Variants in EEFSEC observed in about 807,000 individuals in gnomAD.
EEFSEC encodes the protein selenocysteine-specific elongation factor.
A neutral mutation model predicts 42.1 loss-of-function variants in EEFSEC; 43 were observed. That is an observed-to-expected ratio of 1.02 (90% confidence interval 0.80 to 1.32). EEFSEC has a LOEUF of 1.32. Among genes scored for constraint, EEFSEC ranks in the 40% most tolerant of loss-of-function variants. The pLI is 0.00. For synonymous variants in EEFSEC, 354 were observed against 339.1 expected (o/e 1.04, Z -0.48); for missense variants, 745 against 803.6 (o/e 0.93, Z 0.88).
intron 2 of EEFSEC, among the ~76,000 whole-genome samples, chr3:128,251,466 A>G (rs1317124562): frequency 6.6e-6 from 1 of 152,230 alleles, no homozygotes; most frequent in Non-Finnish European, 1.5e-5. Context: ...ATAATTTTAA[A>G]CTATACTTGA....
At chr3:128,365,276 A>G (rs2067576912) in intron 6 of EEFSEC, among the ~76,000 whole-genome samples, 1 of 152,020 alleles carries the variant, frequency 6.6e-6, no homozygotes, top group East Asian at 1.9e-4. Flanking sequence ...CAGTGGGACA[A>G]CTCCTCTGTG....
In EEFSEC at chr3:128,341,861, T is replaced by C; in HGVS notation, c.1415T>C (p.Leu472Pro). ...CTGCCCAGGCTGAAGGTGTACAAGC[T>C]GAAGCACAAGCATGGCCTTGTGGAG... ...SFLPRLKVYK[L>P]KHKHGLVERA... The change falls in exon 5 of 7, where the codon CTG (leucine) becomes CCG (proline). Residue 472 changes from leucine to proline, a missense_variant. By Grantham distance (98) the Leu-to-Pro change is moderately conservative (BLOSUM62 -3). Transcript: ENST00000254730. 6.2e-7 allele frequency: 1 copy of C among 1,613,724 alleles called. No homozygotes were observed. Among genetic ancestry groups the C allele is most frequent in the Non-Finnish European group, 8.5e-7 (1 of 1,180,002 alleles).
chr3:128,164,553 CAG>C lies in EEFSEC; in HGVS notation c.316+10731_316+10732del, dbSNP rs538433034. On this transcript the variant is annotated intron_variant, in intron 1 of 6. Transcript: ENST00000254730. ...GGTCAGGGTGGCTGGCACTTGCACA[CAG>C]GGGGGTGTGAAAGGAGGTGCGGCCA... 2.4e-4 allele frequency among the ~76,000 whole-genome samples: 36 copies of C among 152,254 alleles called. 1 individual carries two copies. In the South Asian group the frequency reaches 6.6e-3, roughly 28 times the overall value.
chr3:128,282,764 G>T (rs2066541381), intron 4 of EEFSEC, among the ~76,000 whole-genome samples: 1 of 152,184 alleles, frequency 6.6e-6, no homozygotes, highest in African/African-American at 2.4e-5. Context: ...TGGTGAGTCT[G>T]AGTACCTTGG....
chr3:128,191,086 A>G (rs990873347), intron 1 of EEFSEC, among the ~76,000 whole-genome samples: 90 of 152,236 alleles, frequency 5.9e-4, no homozygotes, highest in Middle Eastern at 3.2e-3. Flanking sequence ...GTTTGCACAA[A>G]GATGAAATTG....
chr3:128,386,902 T>C (rs1299115539), intron 6 of EEFSEC, among the ~76,000 whole-genome samples: 1 of 152,180 alleles, frequency 6.6e-6, no homozygotes, highest in Non-Finnish European at 1.5e-5. Flanking sequence ...GAGGCCCACC[T>C]CCAACACTGG....
intron 6 of EEFSEC, among the ~76,000 whole-genome samples, chr3:128,390,932 T>C (rs901695427): frequency 3.3e-5 from 5 of 152,222 alleles, no homozygotes; most frequent in Admixed American, 3.3e-4. Context: ...CACAAGTCCC[T>C]GTTCAGATGT....
chr3:128,322,042 G>C (rs1456579825), intron 4 of EEFSEC, among the ~76,000 whole-genome samples: 3 of 152,230 alleles, frequency 2.0e-5, no homozygotes, highest in African/African-American at 7.2e-5. Flanking sequence ...CCCTCACTGA[G>C]TTTCCATCCT....
chr3:128,203,337 A>G (rs557135766), intron 1 of EEFSEC, among the ~76,000 whole-genome samples: 21 of 152,334 alleles, frequency 1.4e-4, no homozygotes, highest in African/African-American at 5.1e-4. Flanking sequence ...CTAATTCATG[A>G]TCTTAAATCA....
chr3:128,388,893 G>T (rs547370808), intron 6 of EEFSEC, among the ~76,000 whole-genome samples: 37 of 152,300 alleles, frequency 2.4e-4, no homozygotes, highest in Non-Finnish European at 2.9e-4. Flanking sequence ...TGGTTCTTCA[G>T]GGCCTCTTCA....
intron 1 of EEFSEC, among the ~76,000 whole-genome samples, chr3:128,187,150 A>C (rs2065474170): frequency 6.6e-6 from 1 of 152,112 alleles, no homozygotes; most frequent in Non-Finnish European, 1.5e-5. Context: ...ATCTCTGAAT[A>C]CTCTGCTATA....
At chr3:128,424,189 T>C in the EEFSEC span, among the ~76,000 whole-genome samples, 3 of 152,212 alleles carry the variant, frequency 2.0e-5, no homozygotes, top group African/African-American at 7.2e-5. Flanking sequence ...CTTCTGCTGC[T>C]GGCTGCTCCC....
intron 4 of EEFSEC, among the ~76,000 whole-genome samples, chr3:128,307,346 T>TGTTGAATGTGGAGGAAAG (rs1271223676): frequency 6.6e-6 from 1 of 152,100 alleles, no homozygotes; most frequent in Non-Finnish European, 1.5e-5. Flanking sequence ...GGAAAGGGCT[T>TGTTGAATGTGGAGGAAAG]GGTTTATTGT....
chr3:128,273,335 A>G (rs183092055), intron 4 of EEFSEC, among the ~76,000 whole-genome samples: 25 of 152,140 alleles, frequency 1.6e-4, no homozygotes, highest in Non-Finnish European at 2.9e-4. Context: ...TCGCCAGGCA[A>G]AGATGGAAGG....
intron 6 of EEFSEC, among the ~76,000 whole-genome samples, chr3:128,378,033 G>A (rs573649716): frequency 1.4e-4 from 22 of 152,152 alleles, no homozygotes; most frequent in Admixed American, 3.3e-4. Flanking sequence ...GGAGAAAAAC[G>A]TGCAGTTCAC....
chr3:128,366,493 C>T (rs546772809), intron 6 of EEFSEC, among the ~76,000 whole-genome samples: 1 of 152,336 alleles, frequency 6.6e-6, no homozygotes, highest in East Asian at 1.9e-4. Flanking sequence ...GGAAATCAGA[C>T]CAACCCCAGT....
intron 1 of EEFSEC, among the ~76,000 whole-genome samples, chr3:128,170,155 T>C (rs964699709): frequency 2.0e-5 from 3 of 151,826 alleles, no homozygotes; most frequent in African/African-American, 7.2e-5. Flanking sequence ...CTCCCCCGCC[T>C]GGCCCGAGGT....
At chr3:128,309,016 T>C (rs994409440) in intron 4 of EEFSEC, among the ~76,000 whole-genome samples, 1 of 152,276 alleles carries the variant, frequency 6.6e-6, no homozygotes, top group Non-Finnish European at 1.5e-5. Context: ...GAGAACCTAC[T>C]GGCTGCCAGA....
intron 1 of EEFSEC, among the ~76,000 whole-genome samples, chr3:128,196,502 G>A (rs188987752): frequency 2.0e-4 from 30 of 152,286 alleles, no homozygotes; most frequent in African/African-American, 7.2e-4. Context: ...GTATAAGGAA[G>A]AAAATAATAA....
Sources: allele counts gnomAD v4.1 joint callset (sites outside exome capture counted in the v4.1 genomes callset), GRCh38; gene constraint gnomAD v4.1.1; transcripts MANE v1.5; gene names NCBI Gene and HGNC (gene_info 2026-07-23, HGNC 2026-07-21).